MSH4: variants seen among roughly 807,000 people sequenced by gnomAD.
The protein encoded by MSH4 is mutS homolog 4, also known as mutS protein homolog 4.
Under a neutral mutation model 113.7 loss-of-function variants are expected in MSH4, and 106 were observed. That is an observed-to-expected ratio of 0.93 (90% CI 0.80 to 1.10). The LOEUF is 1.10. MSH4 is among the 50% of genes least tolerant of loss of function. The pLI is 0.00. For synonymous variants in MSH4, 368 were observed against 380.2 expected (o/e 0.97, Z 0.37); for missense variants, 1,061 against 1,093.7 (o/e 0.97, Z 0.42).
chr1:75,818,752 G>GT (rs61322846), intron 6 of MSH4, among the ~76,000 whole-genome samples: 1 of 151,534 alleles, frequency 6.6e-6, no homozygotes, highest in Non-Finnish European at 1.5e-5. Context: ...TGTATATTCC[G>GT]TTTTTTTTGT....
Position 75,882,663 on chromosome 1 carries a change from T to TAA in MSH4, c.1907-933_1907-932dup, listed in dbSNP as rs35936506. On this transcript the variant is annotated intron_variant, in intron 14 of 19. Coordinates refer to ENST00000263187, the MANE Select transcript of MSH4 (RefSeq NM_002440.4). ...GGGCAACATAGCTAGACCTCATTTC[T>TAA]AAAAAAAAAAAAAAAAAAAAAAAAA... Among the ~76,000 whole-genome samples, 74 of 123,794 alleles carry TAA rather than the reference T, an allele frequency of 6.0e-4. 1 individual carries two copies. The highest frequency in any genetic ancestry group is 7.7e-4 in the Non-Finnish European group (47 of 60,736). The allele number at this position is 123,794 out of a possible 152,430, so 81.2% of individuals were successfully genotyped here. A position where few individuals can be genotyped will look rare whatever the true frequency, so the allele number is the denominator to read the frequency against.
intron 2 of MSH4, among the ~76,000 whole-genome samples, chr1:75,804,174 CT>C (rs1197850795): frequency 1.3e-5 from 2 of 152,128 alleles, no homozygotes. Flanking sequence ...AAACCTCTCC[CT>C]TTTATACATG....
Position 75,860,592 on chromosome 1 carries a change from C to T in MSH4, c.1231-6922C>T, listed in dbSNP as rs535051275. On this transcript the variant is annotated intron_variant, in intron 8 of 19. Coordinates refer to ENST00000263187, the MANE Select transcript of MSH4 (RefSeq NM_002440.4). ...TCTTTAAGAATGTTGAATATTGGCC[C>T]CCACTGTCTTCTGGCTTGTAGGGTT... Among the ~76,000 whole-genome samples, 5 of 152,268 alleles carry T rather than the reference C, an allele frequency of 3.3e-5. No individual in the cohort carries two copies. In the South Asian group the frequency reaches 8.3e-4, roughly 25 times the overall value.
At chr1:75,836,858 C>T (rs1650839927) in intron 7 of MSH4, among the ~76,000 whole-genome samples, 2 of 152,098 alleles carry the variant, frequency 1.3e-5, no homozygotes, top group South Asian at 4.1e-4. Flanking sequence ...GTCCTTTTAT[C>T]CTGAATTTCC....
rs745658913 is a variant in MSH4 at position 75,899,710 on chromosome 1, A to T, written c.2619+4A>T. 1 of 1,480,232 alleles carries T rather than the reference A, an allele frequency of 6.8e-7. No homozygotes were observed. Among genetic ancestry groups the T allele is most frequent in the Non-Finnish European group, 8.9e-7 (1 of 1,117,492 alleles). The allele number at this position is 1,480,232 out of a possible 1,614,324, so 91.7% of individuals were successfully genotyped here. A position where few individuals can be genotyped will look rare whatever the true frequency, so the allele number is the denominator to read the frequency against. ...TCAAATTACGAGACAAATTTTGGTA[A>T]GAAACTTTGTTCTTATTTGTTCTTC... is the stretch of plus-strand genomic sequence containing the variant. On this transcript the variant is annotated splice_donor_region_variant and intron_variant, in intron 19 of 19. Coordinates refer to ENST00000263187, the MANE Select transcript of MSH4 (RefSeq NM_002440.4).
chr1:75,808,863 A>T (rs2100508011), intron 3 of MSH4, among the ~76,000 whole-genome samples: 1 of 152,182 alleles, frequency 6.6e-6, no homozygotes, highest in East Asian at 1.9e-4. Context: ...TTGTCATGGG[A>T]ATTTGCATGA....
At chr1:75,829,146 C>A (rs149382666) in intron 7 of MSH4, among the ~76,000 whole-genome samples, 2,075 of 152,306 alleles carry the variant, frequency 0.014, 45 homozygotes, top group African/African-American at 0.047. Flanking sequence ...TATCCCGCAC[C>A]TGGCTTGGAG....
chr1:75,822,155 G>A (rs1650430144), intron 6 of MSH4, among the ~76,000 whole-genome samples: 1 of 152,066 alleles, frequency 6.6e-6, no homozygotes, highest in South Asian at 2.1e-4. Context: ...TGGGCGTGGT[G>A]GCGGGCGCCT....
chr1:75,884,371 G>A (rs1557522891), intron 15 of MSH4, among the ~76,000 whole-genome samples: 1 of 152,008 alleles, frequency 6.6e-6, no homozygotes, highest in Non-Finnish European at 1.5e-5. Context: ...TTCTTAATAT[G>A]GAGGCCCAGC....
intron 8 of MSH4, among the ~76,000 whole-genome samples, chr1:75,859,877 T>G (rs570632340): frequency 6.6e-6 from 1 of 152,334 alleles, no homozygotes; most frequent in South Asian, 2.1e-4. Context: ...CGTCTCCCAT[T>G]ATTACTGTGC....
chr1:75,869,487 A>C (rs1266448971), intron 9 of MSH4, among the ~76,000 whole-genome samples: 2 of 152,180 alleles, frequency 1.3e-5, no homozygotes, highest in African/African-American at 4.8e-5. Flanking sequence ...AGAGACCTTT[A>C]TGGCAGCCCC....
At chr1:75,798,224 A>T (rs1242711155) in intron 1 of MSH4, among the ~76,000 whole-genome samples, 1 of 152,140 alleles carries the variant, frequency 6.6e-6, no homozygotes, top group Non-Finnish European at 1.5e-5. Flanking sequence ...CTGCCCAAGC[A>T]TTGGGATTAC....
At chr1:75,799,301 C>G (rs555028119) in intron 1 of MSH4, among the ~76,000 whole-genome samples, 9 of 151,984 alleles carry the variant, frequency 5.9e-5, no homozygotes, top group Non-Finnish European at 1.0e-4. Context: ...TCCTGTTTTA[C>G]AGATAGAACC....
At chr1:75,885,998 C>A (rs1206428727) in intron 15 of MSH4, among the ~76,000 whole-genome samples, 2 of 49,870 alleles carry the variant, frequency 4.0e-5, no homozygotes, top group South Asian at 7.1e-4. Flanking sequence ...TATTATATAG[C>A]ATGTATAGTA....
At chr1:75,884,979 GTA>G (rs57704986) in intron 15 of MSH4, among the ~76,000 whole-genome samples, 2 of 142,738 alleles carry the variant, frequency 1.4e-5, no homozygotes, top group African/African-American at 2.6e-5. Context: ...ATGTATGTAT[GTA>G]TATATATGTG....
chr1:75,799,208 C>A (rs1295801070), intron 1 of MSH4, among the ~76,000 whole-genome samples: 1 of 152,182 alleles, frequency 6.6e-6, no homozygotes, highest in Non-Finnish European at 1.5e-5. Context: ...AATTTATATG[C>A]ACCTACTTTG....
intron 7 of MSH4, among the ~76,000 whole-genome samples, chr1:75,833,034 A>C (rs10782558): frequency 0.74 from 112,350 of 152,042 alleles, 41,740 homozygotes; most frequent in East Asian, 0.98. Flanking sequence ...ACTTAGAAAA[A>C]CCCATCGTCT....
chr1:75,871,104 G>C (rs996015412), intron 9 of MSH4, among the ~76,000 whole-genome samples: 1 of 152,132 alleles, frequency 6.6e-6, no homozygotes, highest in Non-Finnish European at 1.5e-5. Context: ...GTACAATCAT[G>C]GCAGAAGGAG....
intron 7 of MSH4, among the ~76,000 whole-genome samples, chr1:75,842,624 A>G (rs1650984267): frequency 6.6e-6 from 1 of 152,150 alleles, no homozygotes; most frequent in South Asian, 2.1e-4. Flanking sequence ...AGCTGAGGAG[A>G]CACAGTGAGA....
Sources: allele counts gnomAD v4.1 joint callset (sites outside exome capture counted in the v4.1 genomes callset), GRCh38; gene constraint gnomAD v4.1.1; transcripts MANE v1.5; gene names NCBI Gene and HGNC (gene_info 2026-07-23, HGNC 2026-07-21).